The following STARD8 variants were observed in gnomAD, a reference collection of about 807,000 sequenced individuals.
STARD8 encodes StAR related lipid transfer domain containing 8.
A neutral mutation model predicts 69.4 loss-of-function variants in STARD8; 25 were observed. The ratio of observed to expected loss-of-function variants is 0.36; its 90% confidence interval spans 0.26 to 0.50. The LOEUF (loss-of-function observed/expected upper bound fraction) is 0.50. Among genes scored for constraint, STARD8 ranks in the 20% least tolerant of loss-of-function variants. The probability of loss-of-function intolerance (pLI) is 0.96; values close to 1 mark genes in which losing one functional copy is unlikely to be tolerated. For synonymous variants in STARD8, 389 were observed against 374.6 expected, an observed-to-expected ratio of 1.04 and a Z score of -0.45; for missense variants, 921 against 932.5, an observed-to-expected ratio of 0.99 and a Z score of 0.16.
chrX:68,715,486 C>T (rs890892349), intron 4 of STARD8, 111 bp downstream of exon 4: 1 of 616,852 alleles, frequency 1.6e-6, no homozygotes, highest in African/African-American at 2.3e-5. Flanking sequence ...AGCTTACTAA[C>T]AAAGCTCATC....
chrX:68,700,325 C>T (rs966107993), intron 2 of STARD8, among the ~76,000 whole-genome samples: 39 of 112,241 alleles, frequency 3.5e-4, no homozygotes, highest in East Asian at 3.4e-3. Flanking sequence ...CTGTGGTGGT[C>T]TCCACCTGAG....
intron 2 of STARD8, among the ~76,000 whole-genome samples, chrX:68,710,233 T>C (rs952787119): frequency 8.9e-6 from 1 of 112,346 alleles, no homozygotes; most frequent in African/African-American, 3.2e-5. Flanking sequence ...TTTTAAAAAA[T>C]ACCAATGTGG....
chrX:68,724,069 C>A lies in STARD8; in HGVS notation c.3142C>A (p.Pro1048Thr). 1 of 1,212,006 alleles carries A rather than the reference C, an allele frequency of 8.3e-7. No homozygotes were observed. Among genetic ancestry groups the A allele is most frequent in the Admixed American group, 2.2e-5 (1 of 46,123 alleles). Residue 1048 changes from proline (P) to threonine (T), a missense_variant, in exon 14 of 15, where the codon CCT (proline) becomes ACT (threonine). By Grantham distance (38) the Pro-to-Thr change is conservative. Coordinates refer to ENST00000374599, the MANE Select transcript of STARD8 (RefSeq NM_001142503.3). The part of the protein sequence containing the change: ...LMLTSQYLME[P>T]CGLGRSRLTH... ...GCTCACATCCCAGTACCTCATGGAG[C>A]CTTGCGGCTTGGGCCGCTCTCGGCT... is the stretch of plus-strand genomic sequence containing the variant.
intron 1 of STARD8, among the ~76,000 whole-genome samples, chrX:68,648,677 AC>A (rs1469175053): frequency 1.8e-5 from 2 of 111,894 alleles, no homozygotes; most frequent in East Asian, 5.6e-4. Context: ...TTTACCAGGC[AC>A]CTACTATATG....
intron 2 of STARD8, among the ~76,000 whole-genome samples, chrX:68,672,906 C>CT (rs2079738665): frequency 8.9e-6 from 1 of 111,749 alleles, no homozygotes; most frequent in Non-Finnish European, 1.9e-5. Context: ...GCTTCCAACT[C>CT]TGTGTTCATT....
rs1340301475 is a variant in STARD8, at chrX:68,724,458, C to A, written c.*36C>A. On this transcript the variant is annotated 3_prime_UTR_variant, in exon 15 of 15. Transcript: ENST00000374599. ...GGTCCCAGGGTGGCACCACCCAGGC[C>A]CCCTGGGCACCAAGGGAGCGAGGGG... 2.7e-6 allele frequency: 3 copies of A among 1,108,607 alleles called. No individual in the cohort carries two copies. The highest frequency in any genetic ancestry group is 2.5e-6 in the Non-Finnish European group (2 of 810,712). 91.4% of individuals were successfully genotyped at this position (1,108,607 alleles called of 1,213,427 possible). A position where few individuals can be genotyped will look rare whatever the true frequency, so the allele number is the denominator to read the frequency against.
At position 68,720,962 on chromosome X, in the gene STARD8, C is replaced by A. The variant is rs1569374097; in HGVS notation, c.2088C>A (p.Ile696=). ...GCAAGTCTGGGGTCAAGTCCAGGAT[C>A]CAGAACCTGCGTCAAATGAATGAGA... ...IFRKSGVKSR[I]QNLRQMNETS... Residue 696 remains isoleucine (I), a synonymous_variant, in exon 9 of 15, where the codon ATC becomes ATA. Transcript: ENST00000374599. The A allele has an allele frequency of 1.1e-5, 13 of 1,209,656 alleles. No individual in the cohort carries two copies. The highest frequency in any genetic ancestry group is 1.5e-5 in the Non-Finnish European group (13 of 895,191).
intron 2 of STARD8, among the ~76,000 whole-genome samples, chrX:68,682,835 G>A (rs1326162575): frequency 8.9e-6 from 1 of 112,531 alleles, no homozygotes; most frequent in African/African-American, 3.2e-5. Context: ...GCGTTAACTG[G>A]GCAGTCTTGT....
At position 68,721,743 on chromosome X, in the gene STARD8, C is replaced by T; in HGVS notation, c.2456C>T (p.Pro819Leu). Reference protein sequence around the residue: ...LNVSKKDSPSPRIKSKRSLIG... With the variant: ...LNVSKKDSPSLRIKSKRSLIG... ...GTCTCTAAGAAGGATAGCCCCTCTC[C>T]CAGGTGAAATGGTGCACGGCATGTC... The change falls in exon 10 of 15, where the codon CCC becomes CTC. Residue 819 changes from proline (P) to leucine (L), a missense_variant. Physicochemically the swap from Pro to Leu is moderately conservative, Grantham distance 98. Transcript: ENST00000374599. 8.3e-7 allele frequency: 1 copy of T among 1,209,131 alleles called. No individual in the cohort carries two copies. Among genetic ancestry groups the T allele is most frequent in the Non-Finnish European group, 1.1e-6 (1 of 893,547 alleles).
Position 68,720,364 on chromosome X carries a change from C to T in STARD8, c.1990C>T (p.Pro664Ser), listed in dbSNP as rs762366482. 8.3e-7 allele frequency: 1 copy of T among 1,206,435 alleles called. No homozygotes were observed. The highest frequency in any genetic ancestry group is 3.0e-5 in the East Asian group (1 of 33,514). Residue 664 changes from proline to serine, a missense_variant, in exon 8 of 15, where the codon CCA becomes TCA. Transcript: ENST00000374599. ...PLIHVQRTGQPLPQSIQQAMR... is the reference protein window; with the variant it reads ...PLIHVQRTGQSLPQSIQQAMR... ...CATCCACGTGCAGCGCACGGGCCAG[C>T]CACTGCCACAGAGCATTCAGCAAGC...
intron 2 of STARD8, among the ~76,000 whole-genome samples, chrX:68,694,340 G>T (rs1444501571): frequency 8.9e-6 from 1 of 112,729 alleles, no homozygotes; most frequent in Non-Finnish European, 1.9e-5. Context: ...AGGACTTCTT[G>T]GTATTAAGAT....
chrX:68,672,566 T>C (rs758633462), intron 2 of STARD8, among the ~76,000 whole-genome samples: 31 of 112,102 alleles, frequency 2.8e-4, no homozygotes, highest in African/African-American at 8.4e-4. Flanking sequence ...GCTCCATGGC[T>C]CCCAAGCCTT....
chrX:68,652,872 C>CACA (rs777903190), intron 1 of STARD8, among the ~76,000 whole-genome samples: 2 of 27,242 alleles, frequency 7.3e-5, no homozygotes, highest in Non-Finnish European at 1.2e-4. Flanking sequence ...CACACACACA[C>CACA]CCACACCCCA....
In STARD8 at chrX:68,721,457, G is replaced by GC. The variant is rs763260358; in HGVS notation, c.2249-74dup. The GC allele has an allele frequency of 3.4e-3, 3,640 of 1,078,631 alleles. 6 individuals carry two copies. The highest frequency in any genetic ancestry group is 3.9e-3 in the Non-Finnish European group (3,115 of 794,159). 88.9% of individuals were successfully genotyped at this position (1,078,631 alleles called of 1,213,427 possible). On this transcript the variant is annotated intron_variant, in intron 9 of 14. Transcript: ENST00000374599. ...TCCCCTTGGGACTGCTGTGCCTTTT[G>GC]CCCCCTTGGAAACAGGAGGCTGGCT...
At chrX:68,698,587 GGACCCA>G (rs3838387) in intron 2 of STARD8, among the ~76,000 whole-genome samples, 23,542 of 106,701 alleles carry the variant, frequency 0.22, 2,787 homozygotes, top group African/African-American at 0.4. Context: ...GGTCGGGCCA[GGACCCA>G]GACCCAGACC....
At chrX:68,654,440 C>G (rs771346577) in intron 1 of STARD8, among the ~76,000 whole-genome samples, 1 of 111,659 alleles carries the variant, frequency 9.0e-6, no homozygotes, top group Non-Finnish European at 1.9e-5. Flanking sequence ...GACAGACAGT[C>G]GTGTGGACTG....
intron 1 of STARD8, among the ~76,000 whole-genome samples, chrX:68,661,962 CTCTCTCTCTCTTTCTTTCTT>C (rs1433090578): frequency 2.6e-5 from 2 of 76,845 alleles, no homozygotes; most frequent in African/African-American, 1.5e-4. Flanking sequence ...CTCTCTCTCT[CTCTCTCTCTCTTTCTTTCTT>C]TCTTTCTTTC....
rs1366475541 is a variant in STARD8, at chrX:68,685,236, G to A, written c.79+19704G>A. Reference sequence around the variant, plus strand: ...ATTCATTATTCCCATCGTGTCATAGGAATATTACCCTCATTTTACAGATGA... The same window carrying A: ...ATTCATTATTCCCATCGTGTCATAGAAATATTACCCTCATTTTACAGATGA... On this transcript the variant is annotated intron_variant, in intron 2 of 14. Coordinates refer to ENST00000374599, the MANE Select transcript of STARD8 (RefSeq NM_001142503.3). Among the ~76,000 whole-genome samples, 3 of 111,699 alleles carry A rather than the reference G, an allele frequency of 2.7e-5. No homozygotes were observed. In the Admixed American group the frequency reaches 2.8e-4, roughly 11 times the overall value.
intron 2 of STARD8, among the ~76,000 whole-genome samples, chrX:68,708,970 G>A (rs2080029218): frequency 2.7e-5 from 3 of 110,924 alleles, no homozygotes; most frequent in African/African-American, 3.3e-5. Context: ...GGGTGGGGTC[G>A]CTCCTGGCCT....
Sources: gnomAD v4.1 joint callset for allele counts (sites outside exome capture counted in the v4.1 genomes callset) on GRCh38, gnomAD v4.1.1 for gene constraint, MANE v1.5 for transcripts, NCBI Gene and HGNC (gene_info 2026-07-23, HGNC 2026-07-21) for gene names.